The following PTPRT variants were observed in gnomAD, a reference collection of about 807,000 sequenced individuals.
PTPRT encodes receptor-type tyrosine-protein phosphatase T.
In PTPRT, 56 loss-of-function variants were observed where a neutral mutation model predicts 176.8. That is an observed-to-expected ratio of 0.32 (90% CI 0.26 to 0.40). The LOEUF is 0.40. Among genes scored for constraint, PTPRT ranks in the 10% least tolerant of loss-of-function variants. The pLI is 1.00. For synonymous variants in PTPRT, 783 were observed against 739.0 expected (o/e 1.06, Z -0.96); for missense variants, 1,540 against 1,908.2 (o/e 0.81, Z 3.60).
chr20:42,850,420 A>G (rs1254675193), intron 2 of PTPRT, among the ~76,000 whole-genome samples: 28 of 152,184 alleles, frequency 1.8e-4, no homozygotes, highest in Admixed American at 1.7e-3. Context: ...ATCAGGCCCA[A>G]CCTGAAAAGG....
chr20:43,103,222 G>A (rs1290453822), intron 1 of PTPRT, among the ~76,000 whole-genome samples: 1 of 152,066 alleles, frequency 6.6e-6, no homozygotes, highest in Non-Finnish European at 1.5e-5. Context: ...CAATGCAGAG[G>A]ACAGAGTCTA....
intron 7 of PTPRT, among the ~76,000 whole-genome samples, chr20:42,547,990 A>C (rs1016285424): frequency 6.6e-6 from 1 of 152,050 alleles, no homozygotes; most frequent in African/African-American, 2.4e-5. Context: ...AAAAACTATA[A>C]TATGTTTAAG....
intron 27 of PTPRT, among the ~76,000 whole-genome samples, chr20:42,089,533 C>T (rs866613641): frequency 9.2e-5 from 14 of 152,294 alleles, no homozygotes; most frequent in Middle Eastern, 6.8e-3. Context: ...GATTCTACTA[C>T]GCCTCAAACA....
intron 7 of PTPRT, among the ~76,000 whole-genome samples, chr20:42,605,281 G>A (rs968377665): frequency 3.3e-5 from 5 of 152,164 alleles, no homozygotes; most frequent in African/African-American, 1.2e-4. Context: ...GACACAGCCT[G>A]CAGTAGGGGA....
intron 7 of PTPRT, among the ~76,000 whole-genome samples, chr20:42,560,801 C>A (rs2072940201): frequency 6.6e-6 from 1 of 152,198 alleles, no homozygotes; most frequent in Admixed American, 6.5e-5. Flanking sequence ...CAGGAGGCTT[C>A]AAGCACAATG....
chr20:42,585,721 T>C (rs908319599), intron 7 of PTPRT, among the ~76,000 whole-genome samples: 1 of 152,200 alleles, frequency 6.6e-6, no homozygotes, highest in Non-Finnish European at 1.5e-5. Context: ...CAAGATTTTA[T>C]ATAAATTTAC....
chr20:42,049,415 A>G, the PTPRT span, among the ~76,000 whole-genome samples: 1 of 152,216 alleles, frequency 6.6e-6, no homozygotes, highest in African/African-American at 2.4e-5. Flanking sequence ...CCTGTTTCTA[A>G]TTAAAATCAT....
chr20:42,161,332 C>T lies in PTPRT; in HGVS notation c.2682+20G>A. The stretch of plus-strand genomic sequence containing the variant: ...GCCTCTGAAACTATCAGGAAGTTTC[C>T]CCACAGGCTGGTCTCTTACCTCGTA... On this transcript the variant is annotated intron_variant, in intron 17 of 30. Coordinates refer to ENST00000373187, the MANE Select transcript of PTPRT (RefSeq NM_007050.6). 6.2e-7 allele frequency: 1 copy of T among 1,613,772 alleles called. No individual in the cohort carries two copies. Among genetic ancestry groups the T allele is most frequent in the Non-Finnish European group, 8.5e-7 (1 of 1,179,742 alleles).
At chr20:42,331,589 C>T (rs570562905) in intron 11 of PTPRT, among the ~76,000 whole-genome samples, 2 of 152,124 alleles carry the variant, frequency 1.3e-5, no homozygotes, top group Non-Finnish European at 2.9e-5. Flanking sequence ...AAAATTATAA[C>T]ACCAGTTGAA....
At chr20:42,126,315 G>A (rs994730689) in intron 19 of PTPRT, among the ~76,000 whole-genome samples, 4 of 152,184 alleles carry the variant, frequency 2.6e-5, no homozygotes, top group African/African-American at 4.8e-5. Context: ...AAGACAGCAG[G>A]GTATGGTGGG....
At chr20:42,745,945 T>C (rs564964688) in intron 6 of PTPRT, among the ~76,000 whole-genome samples, 34 of 152,166 alleles carry the variant, frequency 2.2e-4, no homozygotes, top group Non-Finnish European at 4.1e-4. Context: ...ATGCAATAAA[T>C]GGTCCACAAA....
chr20:42,519,805 C>T (rs2072137952), intron 7 of PTPRT, among the ~76,000 whole-genome samples: 1 of 152,152 alleles, frequency 6.6e-6, no homozygotes, highest in South Asian at 2.1e-4. Flanking sequence ...TTTAACTCCT[C>T]ATTGTGGTTT....
At chr20:43,138,409 T>C (rs954905017) in intron 1 of PTPRT, among the ~76,000 whole-genome samples, 3 of 152,188 alleles carry the variant, frequency 2.0e-5, no homozygotes, top group Non-Finnish European at 4.4e-5. Context: ...CCAGTCCTGA[T>C]AGACATGAGC....
At chr20:42,265,047 A>C (rs1311008743) in intron 13 of PTPRT, among the ~76,000 whole-genome samples, 1 of 152,204 alleles carries the variant, frequency 6.6e-6, no homozygotes, top group Non-Finnish European at 1.5e-5. Flanking sequence ...GCACAAGTCT[A>C]AGATAATGAA....
At chr20:42,481,054 T>C (rs1460864157) in intron 7 of PTPRT, among the ~76,000 whole-genome samples, 1 of 151,330 alleles carries the variant, frequency 6.6e-6, no homozygotes, top group Non-Finnish European at 1.5e-5. Context: ...GGCCAGATAG[T>C]AAATATTTAA....
chr20:43,105,173 C>G (rs548322298), intron 1 of PTPRT, among the ~76,000 whole-genome samples: 1 of 152,098 alleles, frequency 6.6e-6, no homozygotes, highest in Non-Finnish European at 1.5e-5. Context: ...ATACTAGAAA[C>G]GCAAATTTTC....
chr20:42,529,085 A>C (rs1400415187), intron 7 of PTPRT, among the ~76,000 whole-genome samples: 1 of 152,216 alleles, frequency 6.6e-6, no homozygotes, highest in East Asian at 1.9e-4. Context: ...ATGAAACAGA[A>C]ACGACCTTTT....
At chr20:42,467,196 A>G (rs1195424027) in intron 8 of PTPRT, among the ~76,000 whole-genome samples, 1 of 152,220 alleles carries the variant, frequency 6.6e-6, no homozygotes, top group African/African-American at 2.4e-5. Flanking sequence ...GTTCAGGTGA[A>G]GACTCTCAGG....
intron 1 of PTPRT, among the ~76,000 whole-genome samples, chr20:43,180,694 C>G (rs1255219587): frequency 1.3e-5 from 2 of 152,130 alleles, no homozygotes; most frequent in Admixed American, 1.3e-4. Flanking sequence ...AACTACTAAC[C>G]TCAGGTGATC....
Sources: gnomAD v4.1 joint callset for allele counts (sites outside exome capture counted in the v4.1 genomes callset) on GRCh38, gnomAD v4.1.1 for gene constraint, MANE v1.5 for transcripts, NCBI Gene and HGNC (gene_info 2026-07-23, HGNC 2026-07-21) for gene names.